Variants in DNAH5 observed in about 807,000 individuals in gnomAD.
DNAH5 encodes the protein axonemal beta dynein heavy chain 5.
In DNAH5, 372 loss-of-function variants were observed where a neutral mutation model predicts 518.2. That is an observed-to-expected ratio of 0.72 (90% CI 0.66 to 0.78). The LOEUF (loss-of-function observed/expected upper bound fraction) is 0.78. Among genes scored for constraint, DNAH5 ranks in the 30% least tolerant of loss-of-function variants. The pLI, the probability that DNAH5 is intolerant of heterozygous loss-of-function variation, is 0.00. For missense variants in DNAH5, 5,523 were observed against 5,687.0 expected, an observed-to-expected ratio of 0.97 and a Z score of 0.93; for synonymous variants, 2,039 against 2,025.9, an observed-to-expected ratio of 1.01 and a Z score of -0.17.
chr5:13,704,760 G>A (rs574144489), intron 76 of DNAH5, among the ~76,000 whole-genome samples: 1 of 152,214 alleles, frequency 6.6e-6, no homozygotes, highest in Admixed American at 6.5e-5. Context: ...GGTGAAATAA[G>A]CCAGGCACAG....
Position 13,753,665 on chromosome 5 carries a change from A to C in DNAH5, c.10556-116T>G. The C allele has an allele frequency of 4.2e-6, 4 of 960,134 alleles. No individual in the cohort carries two copies. The South Asian group carries it at 5.1e-5, about 12-fold the overall frequency. 59.5% of individuals were successfully genotyped at this position (960,134 alleles called of 1,614,324 possible). Reference sequence around the variant, plus strand: ...TAATTCTTTTAAACTAAATTCCACAAATCAAACTGGAGGCACAAGTGGCTG... The same window carrying C: ...TAATTCTTTTAAACTAAATTCCACACATCAAACTGGAGGCACAAGTGGCTG... On this transcript the variant is annotated intron_variant, in intron 62 of 78. Transcript: ENST00000265104.
chr5:13,885,191 T>C lies in DNAH5; in HGVS notation c.2781A>G (p.Ser927=). Residue 927 remains serine, a synonymous_variant, in exon 19 of 79, where the codon TCA becomes TCG. Coordinates refer to ENST00000265104, the MANE Select transcript of DNAH5 (RefSeq NM_001369.3). ...GGGCATTGGCCCTGGCATTAATAGA[T>C]GATGTCAAGGTGTCAAAATTTCCTT... ...REEGNFDTLT[S]SINARANALL... is the part of the protein sequence containing the mutation. The C allele has an allele frequency of 1.2e-6, 2 of 1,614,206 alleles. No individual in the cohort carries two copies. Among genetic ancestry groups the C allele is most frequent in the East Asian group, 2.2e-5 (1 of 44,884 alleles).
Position 13,864,393 on chromosome 5 carries a change from C to CT in DNAH5, c.4596+3dup, listed in dbSNP as rs776715827. On this transcript the variant is annotated splice_donor_region_variant and intron_variant, in intron 28 of 78. Coordinates refer to ENST00000265104, the MANE Select transcript of DNAH5 (RefSeq NM_001369.3). ...TTGCAATCTTCCATCACATCATACTCTACCTCTATTTCCTCTTTATATTTC... is the reference window on the plus strand; with the variant it reads ...TTGCAATCTTCCATCACATCATACTCTTACCTCTATTTCCTCTTTATATTTC... 3 of 1,613,760 alleles carry CT rather than the reference C, an allele frequency of 1.9e-6. No individual in the cohort carries two copies. The South Asian group carries it at 3.3e-5, about 18-fold the overall frequency.
chr5:13,953,865 G>A (rs1025637407), intron 1 of DNAH5, among the ~76,000 whole-genome samples: 9 of 151,990 alleles, frequency 5.9e-5, no homozygotes, highest in Admixed American at 2.0e-4. Context: ...CTGCCACCAC[G>A]TCCAGCTAAT....
chr5:13,851,013 C>A (rs765161844), intron 30 of DNAH5, among the ~76,000 whole-genome samples, 198 bp from the exon 31 acceptor site: 25 of 152,196 alleles, frequency 1.6e-4, no homozygotes, highest in Non-Finnish European at 3.5e-4. Context: ...ATTAAGTAAG[C>A]ATCCTTAGCT....
At position 13,690,525 on chromosome 5, in the gene DNAH5, T is replaced by A. The variant is rs1027968540; in HGVS notation, c.*1459A>T. 1 of 152,220 alleles carries A rather than the reference T, an allele frequency of 6.6e-6. No homozygotes were observed. Among genetic ancestry groups the A allele is most frequent in the Non-Finnish European group, 1.5e-5 (1 of 68,050 alleles). The allele number at this position is 152,220 out of a possible 1,614,324, so 9.4% of individuals were successfully genotyped here. ...AGCCACTCAGTCCTAACTCTCATGA[T>A]CATGAGCATGAAATAATGATCCTGG... On this transcript the variant is annotated 3_prime_UTR_variant, in exon 79 of 79. Transcript: ENST00000265104.
In DNAH5 at chr5:13,824,261, G is replaced by A. The variant is rs771337839; in HGVS notation, c.6517C>T (p.Pro2173Ser). 1 of 1,614,066 alleles carries A rather than the reference G, an allele frequency of 6.2e-7. No individual in the cohort carries two copies. Among genetic ancestry groups the A allele is most frequent in the Non-Finnish European group, 8.5e-7 (1 of 1,179,930 alleles). Residue 2173 changes from proline to serine, a missense_variant, in exon 39 of 79, where the codon CCA becomes TCA. This residue lies in a region of DNAH5 where 5,121 missense variants were observed against 5,223.3 expected (regional missense o/e 0.98). Coordinates refer to ENST00000265104, the MANE Select transcript of DNAH5 (RefSeq NM_001369.3). ...RTLGAAKRAN[P>S]MDTESTIVMR... ...ACAATCGTGGACTCCGTATCCATTG[G>A]ATTGGCTCTTTTTGCTGCTCCCAAG...
intron 12 of DNAH5, among the ~76,000 whole-genome samples, chr5:13,904,335 A>G (rs888584438): frequency 3.3e-5 from 5 of 149,444 alleles, no homozygotes; most frequent in African/African-American, 1.2e-4. Flanking sequence ...ATATACATAT[A>G]TGTTATATAG....
At chr5:13,788,166 CA>C (rs1580245661) in intron 51 of DNAH5, among the ~76,000 whole-genome samples, 1 of 152,156 alleles carries the variant, frequency 6.6e-6, no homozygotes, top group African/African-American at 2.4e-5. Context: ...ATGACCCTCT[CA>C]TACAATTGGA....
intron 53 of DNAH5, 27 bp from the exon 54 acceptor site, chr5:13,777,382 T>C (rs1319538673): frequency 6.2e-7 from 1 of 1,604,554 alleles, no homozygotes; most frequent in Non-Finnish European, 8.5e-7. Flanking sequence ...ATTTTGTCAT[T>C]AGCTAAAATA....
chr5:13,866,128 G>T, intron 26 of DNAH5, 92 bp downstream of exon 26: 2 of 1,168,666 alleles, frequency 1.7e-6, no homozygotes, highest in Non-Finnish European at 2.5e-6. Context: ...TCCACAATAG[G>T]GCCCTCTATC....
chr5:13,748,751 G>A (rs1749782876), intron 65 of DNAH5, among the ~76,000 whole-genome samples: 1 of 152,126 alleles, frequency 6.6e-6, no homozygotes. Context: ...CTTTGCTTAA[G>A]TTGCTTATCA....
chr5:13,952,366 A>G (rs943038926), intron 1 of DNAH5, among the ~76,000 whole-genome samples: 16 of 152,256 alleles, frequency 1.1e-4, no homozygotes, highest in Non-Finnish European at 1.6e-4. Flanking sequence ...TTCTGCAAAG[A>G]AAGTTCTGTC....
chr5:13,817,797 A>G, intron 41 of DNAH5, 103 bp from the exon 42 acceptor site: 1 of 1,038,738 alleles, frequency 9.6e-7, no homozygotes, highest in East Asian at 2.4e-5. Context: ...GGTGCTCAAA[A>G]TATGAAAACT....
At chr5:13,706,470 A>C (rs961448616) in intron 76 of DNAH5, among the ~76,000 whole-genome samples, 2 of 152,214 alleles carry the variant, frequency 1.3e-5, no homozygotes, top group Non-Finnish European at 2.9e-5. Context: ...GATTTTCCCA[A>C]GAAATAGGTT....
chr5:14,011,272 A>G (rs1261738830), intron 1 of DNAH5, among the ~76,000 whole-genome samples: 2 of 152,184 alleles, frequency 1.3e-5, no homozygotes, highest in Non-Finnish European at 2.9e-5. Flanking sequence ...GATATCTCTG[A>G]TGCTCGCTAT....
At chr5:13,855,972 G>T (rs1008122231) in intron 30 of DNAH5, among the ~76,000 whole-genome samples, 3 of 152,186 alleles carry the variant, frequency 2.0e-5, no homozygotes, top group Non-Finnish European at 4.4e-5. Flanking sequence ...CAGTATACCA[G>T]AATTTCTGGG....
intron 42 of DNAH5, 103 bp downstream of exon 42, chr5:13,817,443 TAA>T: frequency 8.4e-7 from 1 of 1,184,502 alleles, no homozygotes; most frequent in Non-Finnish European, 1.2e-6. Context: ...TAGTCTTGGC[TAA>T]GATATTATAC....
In DNAH5 at chr5:13,839,381, G is replaced by A. The variant is rs775031158; in HGVS notation, c.5857C>T (p.Leu1953Phe). ...QNEFLGCTDR[L>F]VITPLTDRCY... ...CTGTCTGTAAGTGGAGTTATTACAA[G>A]CCTGTCAGTGCAGCCTAAAAATTCA... Residue 1953 changes from leucine to phenylalanine, a missense_variant, in exon 35 of 79, where the codon CTT becomes TTT. Leu to Phe is a conservative substitution (Grantham distance 22). Around this residue, in one of 3 missense-constraint regions of DNAH5, gnomAD observed 5,121 missense variants for 5,223.3 expected, o/e 0.98. Coordinates refer to ENST00000265104, the MANE Select transcript of DNAH5 (RefSeq NM_001369.3). 1 of 1,614,060 alleles carries A rather than the reference G, an allele frequency of 6.2e-7. No homozygotes were observed. Among genetic ancestry groups the A allele is most frequent in the Admixed American group, 1.7e-5 (1 of 60,028 alleles).
Sources: allele counts gnomAD v4.1 joint callset (sites outside exome capture counted in the v4.1 genomes callset), GRCh38; gene constraint gnomAD v4.1.1; regional missense constraint gnomAD v4.1.1; transcripts MANE v1.5; gene names NCBI Gene and HGNC (gene_info 2026-07-23, HGNC 2026-07-21).